TMEM132C: variants seen among roughly 807,000 people sequenced by gnomAD.
TMEM132C encodes transmembrane protein 132C.
In TMEM132C, 29 loss-of-function variants were observed where a neutral mutation model predicts 61.4. The observed-to-expected ratio is 0.47, with a 90% confidence interval of 0.35 to 0.64. TMEM132C has a LOEUF of 0.64. TMEM132C is among the 30% of genes least tolerant of loss of function. The pLI is 0.00. For missense variants in TMEM132C, 1,408 were observed against 1,476.9 expected (o/e 0.95, Z 0.76); for synonymous variants, 656 against 633.1 (o/e 1.04, Z -0.54).
intron 1 of TMEM132C, among the ~76,000 whole-genome samples, chr12:128,296,609 T>C (rs1211984830): frequency 2.0e-5 from 3 of 152,338 alleles, no homozygotes; most frequent in East Asian, 1.9e-4. Context: ...AGAGCCATTC[T>C]GTAGCCAGTC....
In TMEM132C at chr12:128,306,360, C is replaced by A. The variant is rs574648288; in HGVS notation, c.85+38873C>A. 2.0e-5 allele frequency among the ~76,000 whole-genome samples: 3 copies of A among 152,160 alleles called. No individual in the cohort carries two copies. The East Asian group carries it at 5.8e-4, about 29-fold the overall frequency. On this transcript the variant is annotated intron_variant, in intron 1 of 8. Transcript: ENST00000435159. ...GGGACTACAGGTGCCCGCCACCACG[C>A]CTGGCTAATTTTTTGTATTTTTTAG...
At chr12:128,448,547 C>T (rs555215354) in intron 2 of TMEM132C, among the ~76,000 whole-genome samples, 35 of 152,260 alleles carry the variant, frequency 2.3e-4, no homozygotes, top group African/African-American at 7.2e-4. Flanking sequence ...GAGAAAGAGT[C>T]GAGCCAATGC....
chr12:128,530,606 T>G (rs563423024), intron 2 of TMEM132C, among the ~76,000 whole-genome samples: 53 of 152,132 alleles, frequency 3.5e-4, no homozygotes, highest in Middle Eastern at 3.4e-3. Flanking sequence ...ACCACGCCCA[T>G]CTAATTTTTG....
chr12:128,318,460 T>G (rs1872222458), intron 1 of TMEM132C, among the ~76,000 whole-genome samples: 1 of 152,190 alleles, frequency 6.6e-6, no homozygotes, highest in Admixed American at 6.5e-5. Context: ...CTAATTTGAC[T>G]TGCTAAAGGC....
At chr12:128,691,276 T>C (rs779705863) in intron 5 of TMEM132C, among the ~76,000 whole-genome samples, 51 of 152,374 alleles carry the variant, frequency 3.3e-4, no homozygotes, top group Middle Eastern at 3.4e-3. Context: ...TTCTAGAAAC[T>C]TTTGAATTAA....
At chr12:128,586,111 A>G (rs2135562844) in intron 3 of TMEM132C, among the ~76,000 whole-genome samples, 1 of 152,314 alleles carries the variant, frequency 6.6e-6, no homozygotes, top group African/African-American at 2.4e-5. Context: ...GTATCAATGC[A>G]TAGCGGATCT....
intron 1 of TMEM132C, among the ~76,000 whole-genome samples, chr12:128,399,525 T>A (rs1875077374): frequency 6.6e-6 from 1 of 152,214 alleles, no homozygotes; most frequent in Admixed American, 6.5e-5. Context: ...TCCAGATTTT[T>A]TTTTCTTTTT....
intron 2 of TMEM132C, among the ~76,000 whole-genome samples, chr12:128,485,984 A>G (rs1007542313): frequency 6.6e-6 from 1 of 152,206 alleles, no homozygotes; most frequent in African/African-American, 2.4e-5. Flanking sequence ...TCCATAAAAA[A>G]TGGCTTCTCC....
chr12:128,433,902 G>T (rs765711225), intron 2 of TMEM132C, among the ~76,000 whole-genome samples: 1 of 152,274 alleles, frequency 6.6e-6, no homozygotes, highest in Non-Finnish European at 1.5e-5. Context: ...AAAAGACAGA[G>T]ATGGAACTAA....
In TMEM132C at chr12:128,640,460, G is replaced by A. The variant is rs115810944; in HGVS notation, c.1305+24125G>A. On this transcript the variant is annotated intron_variant, in intron 4 of 8. Coordinates refer to ENST00000435159, the MANE Select transcript of TMEM132C (RefSeq NM_001136103.3). ...AGAGACAAAAAGGAGCTTAGTGGCC[G>A]CCCAGGGCTGGGAGGGACTGGGGGC... Among the ~76,000 whole-genome samples the A allele has an allele frequency of 3.4e-3, 517 of 152,232 alleles. 8 individuals are homozygous for A. Among genetic ancestry groups the A allele is most frequent in the East Asian group, 0.03 (154 of 5,158 alleles).
chr12:128,343,978 AATTC>A (rs1873064991), intron 1 of TMEM132C, among the ~76,000 whole-genome samples: 1 of 152,324 alleles, frequency 6.6e-6, no homozygotes, highest in Non-Finnish European at 1.5e-5. Flanking sequence ...ATGTATGAAT[AATTC>A]ATTCTTTTAT....
At chr12:128,649,805 A>T (rs930247254) in intron 4 of TMEM132C, among the ~76,000 whole-genome samples, 3 of 152,228 alleles carry the variant, frequency 2.0e-5, no homozygotes, top group African/African-American at 7.2e-5. Flanking sequence ...CATTCCAAAG[A>T]TGGTGCCTGC....
At chr12:128,331,577 T>C (rs561349300) in intron 1 of TMEM132C, among the ~76,000 whole-genome samples, 3 of 152,340 alleles carry the variant, frequency 2.0e-5, no homozygotes, top group African/African-American at 4.8e-5. Context: ...TCCATCCATG[T>C]TGCTACATAA....
chr12:128,687,805 G>A (rs767664346), intron 5 of TMEM132C, among the ~76,000 whole-genome samples: 5 of 152,204 alleles, frequency 3.3e-5, no homozygotes, highest in Non-Finnish European at 2.9e-5. Context: ...AGAGGCCCCT[G>A]GGCTGCAAGG....
intron 4 of TMEM132C, among the ~76,000 whole-genome samples, chr12:128,658,202 TCCCATGGAGGCCA>T (rs2135618176): frequency 7.4e-6 from 1 of 135,486 alleles, no homozygotes; most frequent in African/African-American, 2.8e-5. Flanking sequence ...GGGACGCAGC[TCCCATGGAGGCCA>T]CAAGGCAGGA....
rs547258641 is a variant in TMEM132C, at chr12:128,667,870, G to A, written c.1306-1547G>A. On this transcript the variant is annotated intron_variant, in intron 4 of 8. Coordinates refer to ENST00000435159, the MANE Select transcript of TMEM132C (RefSeq NM_001136103.3). ...AGAGGTGTGACACTAATAGTTTTGC[G>A]TGAAGTCGTCTGAGCAGGATAAATC... Among the ~76,000 whole-genome samples the A allele has an allele frequency of 4.6e-5, 7 of 152,324 alleles. 1 individual carries two copies. In the East Asian group the frequency reaches 5.8e-4, roughly 13 times the overall value.
rs180945518 is a variant in TMEM132C, at chr12:128,584,536, A to G, written c.1122-31616A>G. 2.4e-3 allele frequency among the ~76,000 whole-genome samples: 367 copies of G among 152,294 alleles called. 2 individuals are homozygous for G. The highest frequency in any genetic ancestry group is 0.013 in the South Asian group (62 of 4,820). ...GGGGTTGGTTTCCTACCTTTTGTGT[A>G]TATCCCACTGTGCTGCGAATGGTCT... On this transcript the variant is annotated intron_variant, in intron 3 of 8. Coordinates refer to ENST00000435159, the MANE Select transcript of TMEM132C (RefSeq NM_001136103.3).
chr12:128,485,235 A>C (rs1396954683), intron 2 of TMEM132C, among the ~76,000 whole-genome samples: 7 of 152,094 alleles, frequency 4.6e-5, no homozygotes, highest in Non-Finnish European at 8.8e-5. Flanking sequence ...GGAGTGCAGT[A>C]GTGTGATCTC....
At chr12:128,614,560 G>A (rs1460686082) in intron 3 of TMEM132C, among the ~76,000 whole-genome samples, 1 of 152,186 alleles carries the variant, frequency 6.6e-6, no homozygotes, top group African/African-American at 2.4e-5. Context: ...AACAGGAGAT[G>A]CTACATTTTA....
Sources: gnomAD v4.1 joint callset for allele counts (sites outside exome capture counted in the v4.1 genomes callset) on GRCh38, gnomAD v4.1.1 for gene constraint, MANE v1.5 for transcripts, NCBI Gene and HGNC (gene_info 2026-07-23, HGNC 2026-07-21) for gene names.